The following THADA variants were observed in gnomAD, a reference collection of about 807,000 sequenced individuals.
THADA encodes tRNA (32-2'-O)-methyltransferase regulator THADA.
THADA carries 213 observed loss-of-function variants against 219.8 expected under a neutral mutation model. The observed-to-expected ratio is 0.97, with a 90% CI of 0.87 to 1.09. The LOEUF is 1.09. Ranked by LOEUF, THADA falls within the 50% of genes least tolerant of loss-of-function variation. The pLI, the probability that THADA is intolerant of heterozygous loss-of-function variation, is 0.00. For missense variants in THADA, 2,956 were observed against 2,311.3 expected, an observed-to-expected ratio of 1.28 and a Z score of -5.72; for synonymous variants, 1,018 against 828.9, an observed-to-expected ratio of 1.23 and a Z score of -3.92.
intron 30 of THADA, among the ~76,000 whole-genome samples, chr2:43,342,199 G>C (rs1015185098): frequency 6.6e-6 from 1 of 152,184 alleles, no homozygotes; most frequent in Non-Finnish European, 1.5e-5. Flanking sequence ...CTGGGTGACA[G>C]AGCATGACCC....
chr2:43,439,356 T>A (rs1680554607), intron 26 of THADA, among the ~76,000 whole-genome samples: 1 of 152,230 alleles, frequency 6.6e-6, no homozygotes. Flanking sequence ...TATTAGTTAC[T>A]GTTGTTAATC....
At chr2:43,419,065 G>A (rs779582262) in intron 28 of THADA, among the ~76,000 whole-genome samples, 1 of 152,200 alleles carries the variant, frequency 6.6e-6, no homozygotes, top group Non-Finnish European at 1.5e-5. Context: ...AGGACTGTGG[G>A]TGGAGTGGGT....
chr2:43,263,849 C>G (rs557785659), intron 36 of THADA, among the ~76,000 whole-genome samples: 32 of 152,156 alleles, frequency 2.1e-4, no homozygotes, highest in Non-Finnish European at 3.5e-4. Context: ...AGATATTAAG[C>G]CCAGCATGCA....
intron 30 of THADA, among the ~76,000 whole-genome samples, chr2:43,334,445 C>T (rs1286987063): frequency 1.3e-5 from 2 of 152,168 alleles, no homozygotes; most frequent in Admixed American, 6.5e-5. Context: ...CTCCCTCTAC[C>T]ATCTCTTCCC....
intron 9 of THADA, 79 bp from the exon 10 acceptor site, chr2:43,577,321 T>C (rs1185471898): frequency 1.8e-6 from 2 of 1,129,028 alleles, no homozygotes; most frequent in Non-Finnish European, 2.5e-6. Flanking sequence ...AACCCAAACA[T>C]CTCTTTCCCC....
Position 43,430,258 on chromosome 2 carries a change from G to A in THADA, c.3881C>T (p.Pro1294Leu), listed in dbSNP as rs776041607. The stretch of plus-strand genomic sequence containing the variant: ...AGTTTCCAACTGTTTGAGAAGAAAA[G>A]GATAGAGTTCTGGGAAACGAGAGAA... The part of the protein sequence containing the change: ...EFFSRFPELY[P>L]FLLKQLETVA... Residue 1294 changes from proline (P) to leucine (L), a missense_variant, in exon 27 of 38, where the codon CCT becomes CTT. Coordinates refer to ENST00000405975, the MANE Select transcript of THADA (RefSeq NM_022065.5). 4.5e-6 allele frequency: 7 copies of A among 1,552,280 alleles called. No individual in the cohort carries two copies. The highest frequency in any genetic ancestry group is 6.1e-6 in the Non-Finnish European group (7 of 1,147,882).
chr2:43,373,073 G>A (rs1049694848), intron 29 of THADA, among the ~76,000 whole-genome samples: 17 of 151,528 alleles, frequency 1.1e-4, no homozygotes, highest in African/African-American at 3.9e-4. Flanking sequence ...AAAACAAAGA[G>A]GAAAAAAAGA....
At chr2:43,480,790 C>T (rs1686110042) in intron 26 of THADA, among the ~76,000 whole-genome samples, 1 of 150,582 alleles carries the variant, frequency 6.6e-6, no homozygotes, top group African/African-American at 2.5e-5. Context: ...TCAACTCCAG[C>T]CCAGGCAACA....
At chr2:43,428,308 T>A (rs1678768159) in intron 27 of THADA, 77 bp from the exon 28 acceptor site, 6 of 1,414,410 alleles carry the variant, frequency 4.2e-6, no homozygotes, top group Admixed American at 2.1e-5. Flanking sequence ...ATTTTTCTCA[T>A]GAAATAATTA....
chr2:43,338,638 C>T (rs191983979), intron 30 of THADA, among the ~76,000 whole-genome samples: 4 of 152,216 alleles, frequency 2.6e-5, no homozygotes, highest in Middle Eastern at 3.4e-3. Context: ...TGGCTTATTT[C>T]GCTTAGCATA....
intron 23 of THADA, among the ~76,000 whole-genome samples, chr2:43,507,992 A>T (rs1689910232): frequency 6.6e-6 from 1 of 152,184 alleles, no homozygotes. Flanking sequence ...GCACACACAT[A>T]TTCTCATATG....
intron 17 of THADA, 70 bp downstream of exon 17, chr2:43,556,275 T>G (rs542660859): frequency 1.3e-6 from 2 of 1,572,916 alleles, no homozygotes; most frequent in Admixed American, 1.8e-5. Context: ...GTTTAACCAT[T>G]AGATATTCTA....
chr2:43,261,763 C>T (rs375166009), intron 36 of THADA, among the ~76,000 whole-genome samples: 15 of 151,682 alleles, frequency 9.9e-5, no homozygotes, highest in East Asian at 9.8e-4. Context: ...CAGCCTCCCA[C>T]GTAGCTGAGA....
At chr2:43,461,224 A>G (rs1344508562) in intron 26 of THADA, among the ~76,000 whole-genome samples, 1 of 152,222 alleles carries the variant, frequency 6.6e-6, no homozygotes, top group Admixed American at 6.5e-5. Context: ...ACCTAAGTCT[A>G]CACTGCCCAC....
chr2:43,556,548 C>A lies in THADA; in HGVS notation c.2471G>T (p.Gly824Val). The A allele has an allele frequency of 6.2e-7, 1 of 1,613,250 alleles. No individual in the cohort carries two copies. The highest frequency in any genetic ancestry group is 8.5e-7 in the Non-Finnish European group (1 of 1,179,534). The change falls in exon 17 of 38, where the codon GGG (glycine) becomes GTG (valine). Residue 824 changes from glycine to valine, a missense_variant. Gly to Val is a moderately radical substitution (Grantham distance 109). Coordinates refer to ENST00000405975, the MANE Select transcript of THADA (RefSeq NM_022065.5). ...SKTAVHFQDS[G>V]KLQGLFQAAL... Reference sequence around the variant, plus strand: ...TGCCTGAAATAAGCCTTGCAGTTTCCCCGAATCCTAGAATAAAGCGCAGAC... The same window carrying A: ...TGCCTGAAATAAGCCTTGCAGTTTCACCGAATCCTAGAATAAAGCGCAGAC...
intron 29 of THADA, among the ~76,000 whole-genome samples, chr2:43,377,495 G>A (rs930548175): frequency 6.6e-6 from 1 of 152,148 alleles, no homozygotes; most frequent in Non-Finnish European, 1.5e-5. Flanking sequence ...GGTGATAGAT[G>A]AGGTGCAGTG....
intron 7 of THADA, among the ~76,000 whole-genome samples, chr2:43,584,521 A>T (rs1700805486): frequency 1.3e-5 from 2 of 152,220 alleles, no homozygotes; most frequent in African/African-American, 4.8e-5. Context: ...GAGTGAAAGA[A>T]GATGTACAGG....
Position 43,290,097 on chromosome 2 carries a change from C to T in THADA, c.5010+1599G>A, listed in dbSNP as rs568934288. ...TTCAAGCAATTCTGCCTCAGCCTCCCGAGTAGCTGGGATTACAGGCGCCCA... is the reference window on the plus strand; with the variant it reads ...TTCAAGCAATTCTGCCTCAGCCTCCTGAGTAGCTGGGATTACAGGCGCCCA... On this transcript the variant is annotated intron_variant, in intron 34 of 37. Coordinates refer to ENST00000405975, the MANE Select transcript of THADA (RefSeq NM_022065.5). Among the ~76,000 whole-genome samples, 194 of 150,654 alleles carry T rather than the reference C, an allele frequency of 1.3e-3. 1 individual carries two copies. Among genetic ancestry groups the T allele is most frequent in the Non-Finnish European group, 2.3e-3 (157 of 67,638 alleles).
Position 43,574,858 on chromosome 2 carries a change from G to T in THADA, c.1207C>A (p.Pro403Thr), listed in dbSNP as rs1465839619. 1 of 1,613,984 alleles carries T rather than the reference G, an allele frequency of 6.2e-7. No homozygotes were observed. Among genetic ancestry groups the T allele is most frequent in the Non-Finnish European group, 8.5e-7 (1 of 1,179,894 alleles). The part of the protein sequence containing the change: ...LEYVYTHWEH[P>T]LDALRHQTKI... The stretch of plus-strand genomic sequence containing the variant: ...GTTTGGTGTCTCAGAGCATCCAATG[G>T]ATGTTCCCAATGGGTATAGACATAT... Residue 403 changes from proline (P) to threonine (T), a missense_variant, in exon 11 of 38, where the codon CCA (proline) becomes ACA (threonine). Physicochemically the swap from Pro to Thr is conservative, Grantham distance 38. Coordinates refer to ENST00000405975, the MANE Select transcript of THADA (RefSeq NM_022065.5).
Sources: allele counts gnomAD v4.1 joint callset (sites outside exome capture counted in the v4.1 genomes callset), GRCh38; gene constraint gnomAD v4.1.1; transcripts MANE v1.5; gene names NCBI Gene and HGNC (gene_info 2026-07-23, HGNC 2026-07-21).